Variants in STK10 observed in about 807,000 individuals in gnomAD.
STK10 encodes serine/threonine kinase 10.
Under a neutral mutation model 113.8 loss-of-function variants are expected in STK10, and 78 were observed. That is an observed-to-expected ratio of 0.69 (90% confidence interval 0.57 to 0.83). The LOEUF (loss-of-function observed/expected upper bound fraction) is 0.83. STK10 is among the 40% of genes least tolerant of loss of function. The pLI is 0.00. For missense variants in STK10, 1,109 were observed against 1,280.1 expected (o/e 0.87, Z 2.04); for synonymous variants, 465 against 494.7 (o/e 0.94, Z 0.80).
intron 10 of STK10, among the ~76,000 whole-genome samples, chr5:172,086,473 A>C (rs1768562471): frequency 6.6e-6 from 1 of 152,210 alleles, no homozygotes; most frequent in African/African-American, 2.4e-5. Context: ...TCCCTGGTCC[A>C]CCTGTGCTCT....
Position 172,082,370 on chromosome 5 carries a change from C to T in STK10, c.1945G>A (p.Asp649Asn). 6.2e-7 allele frequency: 1 copy of T among 1,602,250 alleles called. No individual in the cohort carries two copies. Among genetic ancestry groups the T allele is most frequent in the Non-Finnish European group, 8.5e-7 (1 of 1,175,000 alleles). The change falls in exon 12 of 19, where the codon GAC (aspartate) becomes AAC (asparagine). Residue 649 changes from aspartate to asparagine, a missense_variant. Physicochemically the swap from Asp to Asn is conservative, Grantham distance 23. Around this residue, in one of 5 missense-constraint regions of STK10, gnomAD observed 885 missense variants for 991.1 expected, o/e 0.89. Transcript: ENST00000176763. This position sits in a 1 kb window ranked among gnomAD's most constrained non-coding sequence, Gnocchi z 4.3. ...ARRIRLEQDR[D>N]YTRFQEQLKL... ...AGCTGCTCTTGGAACCTGGTGTAGTCCCGATCCTGCTCCAGGCGGATCCGC... is the reference window on the plus strand; with the variant it reads ...AGCTGCTCTTGGAACCTGGTGTAGTTCCGATCCTGCTCCAGGCGGATCCGC...
intron 2 of STK10, among the ~76,000 whole-genome samples, chr5:172,146,942 G>C (rs1283338706): frequency 1.3e-5 from 2 of 152,132 alleles, no homozygotes; most frequent in African/African-American, 4.8e-5. Flanking sequence ...ACAGGCTGAG[G>C]GCTCAGGCCC....
intron 4 of STK10, 62 bp from the exon 5 acceptor site, chr5:172,107,914 G>T: frequency 6.9e-7 from 1 of 1,439,604 alleles, no homozygotes; most frequent in Non-Finnish European, 9.8e-7. Context: ...AGCCGGGGAT[G>T]TGGACTCAGG....
At chr5:172,077,853 T>C (rs889800309) in intron 12 of STK10, among the ~76,000 whole-genome samples, 2 of 152,138 alleles carry the variant, frequency 1.3e-5, no homozygotes, top group African/African-American at 4.8e-5. Context: ...CACACTTCCT[T>C]GCTCTGGGCT....
chr5:172,109,220 G>A (rs1035400873), intron 4 of STK10, among the ~76,000 whole-genome samples: 2 of 152,126 alleles, frequency 1.3e-5, no homozygotes, highest in African/African-American at 4.8e-5. Context: ...CTGACTTGGA[G>A]GAAATATACC....
chr5:172,170,368 T>C (rs560128257), intron 1 of STK10, among the ~76,000 whole-genome samples: 1 of 152,304 alleles, frequency 6.6e-6, no homozygotes, highest in East Asian at 1.9e-4. Context: ...GGCCAGGATG[T>C]ACACAGCTGA....
chr5:172,057,353 T>C lies in STK10; in HGVS notation c.2333A>G (p.Glu778Gly). 1 of 1,579,126 alleles carries C rather than the reference T, an allele frequency of 6.3e-7. No individual in the cohort carries two copies. Among genetic ancestry groups the C allele is most frequent in the Non-Finnish European group, 8.6e-7 (1 of 1,162,982 alleles). Residue 778 changes from glutamate (E) to glycine (G), a missense_variant, in exon 15 of 19, where the codon GAG becomes GGG. Glu to Gly is a moderately conservative substitution (Grantham distance 98, BLOSUM62 -2). Transcript: ENST00000176763. Reference protein sequence around the residue: ...LQRHELLRKHEKEREQMQRYN... With the variant: ...LQRHELLRKHGKEREQMQRYN... ...CCGTGCCACCGGCAGCCTCACCTTC[T>C]CATGCTTGCGCAGCAGCTCGTGCCG...
At chr5:172,154,713 T>C (rs990107838) in intron 2 of STK10, among the ~76,000 whole-genome samples, 22 of 152,356 alleles carry the variant, frequency 1.4e-4, no homozygotes, top group Non-Finnish European at 3.2e-4. Flanking sequence ...AACAACAGCA[T>C]GACAGTCGCA....
At chr5:172,054,447 C>T in intron 17 of STK10, 122 bp downstream of exon 17, 2 of 1,412,142 alleles carry the variant, frequency 1.4e-6, no homozygotes, top group Non-Finnish European at 1.9e-6. Context: ...GGAAACCATC[C>T]ATCCCGGGCG....
chr5:172,187,898 T>G lies in STK10; in HGVS notation c.145A>C (p.Lys49Gln). 1.9e-6 allele frequency: 3 copies of G among 1,613,112 alleles called. No homozygotes were observed. Among genetic ancestry groups the G allele is most frequent in the Non-Finnish European group, 2.5e-6 (3 of 1,179,664 alleles). Residue 49 changes from lysine (K) to glutamine (Q), a missense_variant, in exon 1 of 19, where the codon AAG becomes CAG. Lys to Gln is a moderately conservative substitution (Grantham distance 53, BLOSUM62 1). Transcript: ENST00000176763. The surrounding 1 kb of genome is among the most constrained non-coding windows in gnomAD (Gnocchi z 4.6). ...VGELGDGAFGKVYKAKNKETG... is the reference protein window; with the variant it reads ...VGELGDGAFGQVYKAKNKETG... ...CTCAGCGCCCTCACCTTGTAAACCT[T>G]GCCGAAGGCGCCGTCGCCCAGCTCG...
chr5:172,054,789 G>C, intron 16 of STK10, 95 bp from the exon 17 acceptor site: 1 of 1,554,884 alleles, frequency 6.4e-7, no homozygotes, highest in Non-Finnish European at 8.7e-7. Context: ...GACCCCTCAG[G>C]GGGACTGGTC....
rs762244083 is a variant in STK10, at chr5:172,188,020, C to T, written c.23G>A (p.Arg8His). Reference protein sequence around the residue: MAFANFRRILRLSTFEKR... With the variant: MAFANFRHILRLSTFEKR... ...CTCGAAGGTAGACAGGCGCAGGATG[C>T]GGCGGAAATTGGCAAAAGCCATGGC... Residue 8 changes from arginine (R) to histidine (H), a missense_variant, in exon 1 of 19, where the codon CGC (arginine) becomes CAC (histidine). Coordinates refer to ENST00000176763, the MANE Select transcript of STK10 (RefSeq NM_005990.4). The surrounding 1 kb of genome is among the most constrained non-coding windows in gnomAD (Gnocchi z 5.6). The T allele has an allele frequency of 4.3e-6, 7 of 1,612,752 alleles. No individual in the cohort carries two copies. The East Asian group carries it at 1.6e-4, about 36-fold the overall frequency.
At chr5:172,112,835 C>T (rs957317573) in intron 4 of STK10, among the ~76,000 whole-genome samples, 5 of 151,932 alleles carry the variant, frequency 3.3e-5, no homozygotes, top group African/African-American at 1.2e-4. Context: ...CAACCTCCAC[C>T]TTCCGGGTTC....
intron 9 of STK10, among the ~76,000 whole-genome samples, chr5:172,091,117 C>T (rs1014362862): frequency 6.6e-6 from 1 of 152,096 alleles, no homozygotes; most frequent in African/African-American, 2.4e-5. Context: ...AGTGAGAGAA[C>T]ACATGGCAGG....
intron 12 of STK10, among the ~76,000 whole-genome samples, chr5:172,069,297 C>T (rs915962482): frequency 4.6e-5 from 7 of 151,806 alleles, no homozygotes; most frequent in Admixed American, 2.6e-4. Context: ...ACAAGAAACC[C>T]ATGTTAAATA....
intron 10 of STK10, among the ~76,000 whole-genome samples, chr5:172,089,200 CT>C (rs1768633290): frequency 6.6e-6 from 1 of 152,214 alleles, no homozygotes; most frequent in Non-Finnish European, 1.5e-5. Context: ...GGCTCAGGGG[CT>C]TCCCTTGGAG....
At chr5:172,097,810 AG>A (rs1215248932) in intron 7 of STK10, among the ~76,000 whole-genome samples, 1 of 152,178 alleles carries the variant, frequency 6.6e-6, no homozygotes, top group Non-Finnish European at 1.5e-5. Context: ...GTTCTATTCT[AG>A]GTTTTTATAC....
intron 7 of STK10, among the ~76,000 whole-genome samples, chr5:172,097,167 T>C (rs973939244): frequency 1.3e-5 from 2 of 152,124 alleles, no homozygotes; most frequent in African/African-American, 4.8e-5. Context: ...GCCTCCCAAG[T>C]AGCTGGGATT....
At chr5:172,123,787 G>C (rs1443277540) in intron 3 of STK10, among the ~76,000 whole-genome samples, 1 of 152,018 alleles carries the variant, frequency 6.6e-6, no homozygotes, top group African/African-American at 2.4e-5. Flanking sequence ...CCTGCTGCTT[G>C]GAATTCAGAT....
Sources: gnomAD v4.1 joint callset for allele counts (sites outside exome capture counted in the v4.1 genomes callset) on GRCh38, gnomAD v4.1.1 for gene constraint, gnomAD v4.1.1 regional missense constraint, Gnocchi (gnomAD v3.1) non-coding constraint, MANE v1.5 for transcripts, NCBI Gene and HGNC (gene_info 2026-07-23, HGNC 2026-07-21) for gene names.